The following SCFD2 variants were observed in gnomAD, a reference collection of about 807,000 sequenced individuals.
SCFD2 encodes sec1 family domain-containing protein 2.
In SCFD2, 54 loss-of-function variants were observed where a neutral mutation model predicts 58.9. The observed-to-expected ratio is 0.92, with a 90% CI of 0.74 to 1.15. SCFD2 has a LOEUF of 1.15. SCFD2 is among the 50% of genes most tolerant of loss of function. The pLI is 0.00. For synonymous variants in SCFD2, 321 were observed against 335.9 expected (o/e 0.96, Z 0.49); for missense variants, 805 against 836.6 (o/e 0.96, Z 0.47).
intron 3 of SCFD2, among the ~76,000 whole-genome samples, chr4:53,277,192 C>G (rs193263360): frequency 1.3e-5 from 2 of 152,304 alleles, no homozygotes; most frequent in Admixed American, 1.3e-4. Flanking sequence ...CCTTGATGAT[C>G]TCCTAATTAA....
At chr4:52,895,928 T>C (rs1718996551) in intron 7 of SCFD2, among the ~76,000 whole-genome samples, 2 of 152,248 alleles carry the variant, frequency 1.3e-5, no homozygotes, top group Admixed American at 1.3e-4. Flanking sequence ...ATGAGCATTT[T>C]TTCATGTGTT....
intron 8 of SCFD2, among the ~76,000 whole-genome samples, chr4:52,882,195 G>C (rs186559081): frequency 6.6e-6 from 1 of 152,274 alleles, no homozygotes; most frequent in East Asian, 1.9e-4. Flanking sequence ...TACAGGAACT[G>C]ATGATATTCA....
intron 4 of SCFD2, among the ~76,000 whole-genome samples, chr4:53,152,208 GT>G (rs2148918961): frequency 6.8e-6 from 1 of 147,836 alleles, no homozygotes; most frequent in East Asian, 2.0e-4. Flanking sequence ...CAAAGAATCA[GT>G]ACAAAGTATA....
chr4:52,920,649 G>T, intron 6 of SCFD2, 76 bp downstream of exon 6: 1 of 1,092,644 alleles, frequency 9.2e-7, no homozygotes, highest in Non-Finnish European at 1.3e-6. Flanking sequence ...GGTTAAAAGG[G>T]AACCTTTTCT....
chr4:53,195,341 C>A (rs752598101), intron 4 of SCFD2, among the ~76,000 whole-genome samples: 1 of 152,080 alleles, frequency 6.6e-6, no homozygotes, highest in Non-Finnish European at 1.5e-5. Flanking sequence ...TATGTTGGAC[C>A]TAATCACATC....
intron 5 of SCFD2, among the ~76,000 whole-genome samples, chr4:53,135,763 G>C (rs1265067026): frequency 6.6e-6 from 1 of 151,896 alleles, no homozygotes; most frequent in East Asian, 1.9e-4. Flanking sequence ...AGGATCTCCA[G>C]TTTGACACAG....
At chr4:53,156,254 C>T (rs1726678577) in intron 4 of SCFD2, among the ~76,000 whole-genome samples, 1 of 151,820 alleles carries the variant, frequency 6.6e-6, no homozygotes, top group African/African-American at 2.4e-5. Context: ...CAAAAATTAG[C>T]CAGGTATGGT....
intron 3 of SCFD2, among the ~76,000 whole-genome samples, chr4:53,301,229 A>G (rs1342251771): frequency 2.0e-5 from 3 of 152,334 alleles, no homozygotes; most frequent in Admixed American, 6.5e-5. Context: ...GAAAAGAGAG[A>G]AGAATCAAAT....
At chr4:53,119,372 T>G (rs1420644759) in intron 5 of SCFD2, among the ~76,000 whole-genome samples, 1 of 151,000 alleles carries the variant, frequency 6.6e-6, no homozygotes, top group Non-Finnish European at 1.5e-5. Flanking sequence ...TCCCAGCTAC[T>G]TGGGAGGCTG....
chr4:52,903,038 C>T (rs1198879238), intron 7 of SCFD2, among the ~76,000 whole-genome samples: 1 of 152,186 alleles, frequency 6.6e-6, no homozygotes, highest in Non-Finnish European at 1.5e-5. Context: ...CCCTTTGTGT[C>T]ACTCATCCTC....
chr4:53,270,805 A>T (rs1217321489), intron 4 of SCFD2, among the ~76,000 whole-genome samples: 1 of 152,230 alleles, frequency 6.6e-6, no homozygotes, highest in Non-Finnish European at 1.5e-5. Flanking sequence ...AAAACTGAAC[A>T]TATGGATTTA....
intron 7 of SCFD2, among the ~76,000 whole-genome samples, chr4:52,897,361 T>C (rs527719119): frequency 3.9e-5 from 6 of 152,288 alleles, no homozygotes; most frequent in African/African-American, 1.4e-4. Flanking sequence ...GAGCTTTTAG[T>C]GTGAAGTGTT....
intron 5 of SCFD2, chr4:52,949,948 T>C (rs942944045): frequency 3.9e-5 from 6 of 152,192 alleles, no homozygotes; most frequent in African/African-American, 7.2e-5. Flanking sequence ...CTCTCAAATG[T>C]GCTGTACAAA....
At chr4:53,140,742 C>A (rs1726111240) in intron 5 of SCFD2, among the ~76,000 whole-genome samples, 2 of 152,074 alleles carry the variant, frequency 1.3e-5, no homozygotes, top group South Asian at 4.1e-4. Context: ...TGTAAGCAAA[C>A]ATGAGTTACA....
At chr4:53,016,487 T>C (rs921967403) in intron 5 of SCFD2, among the ~76,000 whole-genome samples, 2 of 152,230 alleles carry the variant, frequency 1.3e-5, no homozygotes, top group African/African-American at 4.8e-5. Flanking sequence ...CGGTATACTG[T>C]TATAATATGA....
intron 5 of SCFD2, among the ~76,000 whole-genome samples, chr4:53,139,400 C>A (rs576447858): frequency 8.7e-6 from 1 of 114,838 alleles, no homozygotes; most frequent in East Asian, 2.4e-4. Context: ...CGCCTCTTCC[C>A]GGCTGCCGGC....
At chr4:52,983,196 A>G (rs1427517103) in intron 5 of SCFD2, among the ~76,000 whole-genome samples, 1 of 152,226 alleles carries the variant, frequency 6.6e-6, no homozygotes, top group Non-Finnish European at 1.5e-5. Context: ...TTGCCTAGCC[A>G]CATGAGAGTA....
intron 4 of SCFD2, among the ~76,000 whole-genome samples, chr4:53,221,665 T>C (rs1259259429): frequency 2.0e-5 from 3 of 152,142 alleles, no homozygotes; most frequent in East Asian, 1.9e-4. Context: ...TGATTACCCA[T>C]AAAAATTTCA....
At chr4:52,963,457 C>T (rs562281345) in intron 5 of SCFD2, among the ~76,000 whole-genome samples, 1 of 152,134 alleles carries the variant, frequency 6.6e-6, no homozygotes, top group African/African-American at 2.4e-5. Flanking sequence ...GAGTCGGGTT[C>T]GAAAAGGCAA....
Sources: gnomAD v4.1 joint callset for allele counts (sites outside exome capture counted in the v4.1 genomes callset) on GRCh38, gnomAD v4.1.1 for gene constraint, MANE v1.5 for transcripts, NCBI Gene and HGNC (gene_info 2026-07-23, HGNC 2026-07-21) for gene names.